The following SHKBP1 variants were observed in gnomAD, a reference collection of about 807,000 sequenced individuals.
The protein encoded by SHKBP1 is SH3KBP1-binding protein 1.
SHKBP1 carries 71 observed loss-of-function variants against 83.9 expected under a neutral mutation model. That is an observed-to-expected ratio of 0.85 (90% CI 0.70 to 1.03). The LOEUF is 1.03. Ranked by LOEUF, SHKBP1 falls within the 50% of genes least tolerant of loss-of-function variation. The pLI, the probability that SHKBP1 is intolerant of heterozygous loss-of-function variation, is 0.00. For synonymous variants in SHKBP1, 371 were observed against 398.0 expected (o/e 0.93, Z 0.81); for missense variants, 824 against 982.4 (o/e 0.84, Z 2.16).
rs368466118 is a variant in SHKBP1, at chr19:40,580,554, C to T, written c.563-12C>T. ...CTGTGACCCTCTTCTGATCCCTACT[C>T]TTCCCCTCAAGGACAACCTGAGGAG... On this transcript the variant is annotated splice_polypyrimidine_tract_variant and intron_variant, in intron 7 of 17. Coordinates refer to ENST00000291842, the MANE Select transcript of SHKBP1 (RefSeq NM_138392.4). The T allele has an allele frequency of 2.5e-6, 4 of 1,614,062 alleles. No homozygotes were observed. Among genetic ancestry groups the T allele is most frequent in the Non-Finnish European group, 2.5e-6 (3 of 1,180,028 alleles).
Position 40,590,704 on chromosome 19 carries a change from C to T in SHKBP1, c.1769-26C>T. On this transcript the variant is annotated intron_variant, in intron 16 of 17. Transcript: ENST00000291842. This position sits in a 1 kb window ranked among gnomAD's most constrained non-coding sequence, Gnocchi z 4.6. ...TTGCCCTATGACCCCTGTCTTGCCC[C>T]CTGACCCTGCTTCCGTGCCCCCCAG... The T allele has an allele frequency of 6.4e-7, 1 of 1,560,060 alleles. No homozygotes were observed. Among genetic ancestry groups the T allele is most frequent in the East Asian group, 2.3e-5 (1 of 44,012 alleles).
chr19:40,580,316 C>T lies in SHKBP1; in HGVS notation c.401-8C>T, dbSNP rs1481444744. 10 of 1,611,870 alleles carry T rather than the reference C, an allele frequency of 6.2e-6. No individual in the cohort carries two copies. The highest frequency in any genetic ancestry group is 8.5e-6 in the Non-Finnish European group (10 of 1,178,482). On this transcript the variant is annotated splice_region_variant and splice_polypyrimidine_tract_variant and intron_variant, in intron 6 of 17. Coordinates refer to ENST00000291842, the MANE Select transcript of SHKBP1 (RefSeq NM_138392.4). ...TGACTGTTACTCTACCTCTTATTCT[C>T]ACTGTAGTGTTCCCAGTGAAGCGGC...
At position 40,578,515 on chromosome 19, in the gene SHKBP1, C is replaced by T; in HGVS notation, c.373C>T (p.Leu125Phe). The T allele has an allele frequency of 6.2e-7, 1 of 1,614,156 alleles. No homozygotes were observed. Among genetic ancestry groups the T allele is most frequent in the Non-Finnish European group, 8.5e-7 (1 of 1,180,036 alleles). The change falls in exon 6 of 18, where the codon CTC becomes TTC. Residue 125 changes from leucine to phenylalanine, a missense_variant. Transcript: ENST00000291842. The part of the protein sequence containing the change: ...ELDRSSCGNV[L>F]FNGYLPPPVF... ...GGATCGATCTTCTTGTGGAAACGTCCTCTTCAATGGTTACCTGCCGCCACC... is the reference window on the plus strand; with the variant it reads ...GGATCGATCTTCTTGTGGAAACGTCTTCTTCAATGGTTACCTGCCGCCACC...
rs567993941 is a variant in SHKBP1, at chr19:40,583,321, A to G, written c.961-77A>G. The G allele has an allele frequency of 1.1e-4, 143 of 1,245,266 alleles. No individual in the cohort carries two copies. In the African/African-American group the frequency reaches 2.0e-3, roughly 18 times the overall value. 77.1% of individuals were successfully genotyped at this position (1,245,266 alleles called of 1,614,324 possible). A position where few individuals can be genotyped will look rare whatever the true frequency, so the allele number is the denominator to read the frequency against. On this transcript the variant is annotated intron_variant, in intron 10 of 17. Transcript: ENST00000291842. ...GTTCTGGAGGTGGAGGAGAGGGCCC[A>G]TCCTCTGTGAGGGGTCACCACGGAA...
chr19:40,589,684 A>C lies in SHKBP1; in HGVS notation c.1589+506A>C, dbSNP rs141339550. On this transcript the variant is annotated intron_variant, in intron 15 of 17. Coordinates refer to ENST00000291842, the MANE Select transcript of SHKBP1 (RefSeq NM_138392.4). The stretch of plus-strand genomic sequence containing the variant: ...GACTCTGAGCAGAGACCTAGAGGAC[A>C]AGTAGGAAGGAGCAGAAGAAAGAAG... Among the ~76,000 whole-genome samples, 1,203 of 151,892 alleles carry C rather than the reference A, an allele frequency of 7.9e-3. 11 individuals carry two copies. Among genetic ancestry groups the C allele is most frequent in the Middle Eastern group, 0.021 (6 of 292 alleles).
intron 12 of SHKBP1, among the ~76,000 whole-genome samples, chr19:40,584,120 C>T (rs1021014345): frequency 6.6e-6 from 1 of 152,150 alleles, no homozygotes; most frequent in Non-Finnish European, 1.5e-5. Flanking sequence ...GGATTACAGA[C>T]GTGAGCCACC....
In SHKBP1 at chr19:40,590,094, C is replaced by T. The variant is rs1003929808; in HGVS notation, c.1590-150C>T. ...GCTGCGGTGTCCAAGAGCTGCTGGA[C>T]CCTTGGGACTGGAACTCAAAAGCAG... On this transcript the variant is annotated intron_variant, in intron 15 of 17. Transcript: ENST00000291842. The surrounding 1 kb of genome is among the most constrained non-coding windows in gnomAD (Gnocchi z 4.6). The T allele has an allele frequency of 3.5e-6, 3 of 851,274 alleles. No homozygotes were observed. Among genetic ancestry groups the T allele is most frequent in the Non-Finnish European group, 5.3e-6 (3 of 569,934 alleles). The allele number at this position is 851,274 out of a possible 1,614,324, so 52.7% of individuals were successfully genotyped here. A position where few individuals can be genotyped will look rare whatever the true frequency, so the allele number is the denominator to read the frequency against.
In SHKBP1 at chr19:40,589,111, G is replaced by A. The variant is rs746769548; in HGVS notation, c.1522G>A (p.Val508Met). ...CTACGGTGAGCGGGACGACCAGCAA[G>A]TGTTCATCCAGAAGGTGGTGCCCAG... The part of the protein sequence containing the change: ...GPYGERDDQQ[V>M]FIQKVVPSAS... The change falls in exon 15 of 18, where the codon GTG becomes ATG. Residue 508 changes from valine (V) to methionine (M), a missense_variant. By Grantham distance (21) the Val-to-Met change is conservative. Around this residue, in one of 3 missense-constraint regions of SHKBP1, gnomAD observed 287 missense variants for 322.9 expected, o/e 0.89. Coordinates refer to ENST00000291842, the MANE Select transcript of SHKBP1 (RefSeq NM_138392.4). The A allele has an allele frequency of 2.0e-5, 32 of 1,613,366 alleles. No individual in the cohort carries two copies. The highest frequency in any genetic ancestry group is 8.5e-6 in the Non-Finnish European group (10 of 1,180,024).
At position 40,580,618 on chromosome 19, in the gene SHKBP1, G is replaced by T; in HGVS notation, c.615G>T (p.Trp205Cys). 6.2e-7 allele frequency: 1 copy of T among 1,614,200 alleles called. No individual in the cohort carries two copies. Among genetic ancestry groups the T allele is most frequent in the African/African-American group, 1.3e-5 (1 of 75,054 alleles). ...MVRLVCGHHN[W>C]IAVAYTQFLV... Reference sequence around the variant, plus strand: ...GCCTGGTGTGTGGACACCATAATTGGATCGCTGTGGCCTATACCCAGTTTC... The same window carrying T: ...GCCTGGTGTGTGGACACCATAATTGTATCGCTGTGGCCTATACCCAGTTTC... Residue 205 changes from tryptophan to cysteine, a missense_variant, in exon 8 of 18, where the codon TGG becomes TGT. By Grantham distance (215) the Trp-to-Cys change is radical. Coordinates refer to ENST00000291842, the MANE Select transcript of SHKBP1 (RefSeq NM_138392.4).
chr19:40,587,124 C>A (rs1463733463), intron 13 of SHKBP1, among the ~76,000 whole-genome samples, 180 bp downstream of exon 13: 1 of 152,132 alleles, frequency 6.6e-6, no homozygotes, highest in Non-Finnish European at 1.5e-5. Context: ...GGGGATCAGT[C>A]TGGGGAAGAG....
chr19:40,577,158 A>G, intron 1 of SHKBP1, 73 bp from the exon 2 acceptor site: 1 of 1,575,598 alleles, frequency 6.3e-7, no homozygotes, highest in Non-Finnish European at 8.7e-7. Flanking sequence ...GGAACCCTGG[A>G]TCCTGCGGGA....
chr19:40,577,506 C>T, intron 3 of SHKBP1, 51 bp from the exon 4 acceptor site: 2 of 1,612,384 alleles, frequency 1.2e-6, no homozygotes, highest in Non-Finnish European at 1.7e-6. Context: ...GGCAGGACCC[C>T]ACTCAGTCCT....
chr19:40,590,376 C>T lies in SHKBP1; in HGVS notation c.1722C>T (p.Ala574=). The change falls in exon 16 of 18, where the codon GCC becomes GCT. Residue 574 remains alanine (A), a synonymous_variant. Transcript: ENST00000291842. This position sits in a 1 kb window ranked among gnomAD's most constrained non-coding sequence, Gnocchi z 4.6. ...CTGGCCAGGCCAACGGCAGCTTGGC[C>T]ATGTGGGACCTAACCACCGCCATGG... is the stretch of plus-strand genomic sequence containing the variant. ...LLTGQANGSL[A]MWDLTTAMDG... 1 of 1,611,990 alleles carries T rather than the reference C, an allele frequency of 6.2e-7. No individual in the cohort carries two copies. The highest frequency in any genetic ancestry group is 8.5e-7 in the Non-Finnish European group (1 of 1,179,448).
At chr19:40,583,152 T>A (rs2081283573) in intron 10 of SHKBP1, among the ~76,000 whole-genome samples, 1 of 151,632 alleles carries the variant, frequency 6.6e-6, no homozygotes, top group South Asian at 2.1e-4. Flanking sequence ...CTACAAAAAA[T>A]TTAAAAAATT....
chr19:40,586,859 C>T lies in SHKBP1; in HGVS notation c.1251C>T (p.Gly417=), dbSNP rs1043073110. Residue 417 remains glycine, a synonymous_variant, in exon 13 of 18, where the codon GGC becomes GGT. Coordinates refer to ENST00000291842, the MANE Select transcript of SHKBP1 (RefSeq NM_138392.4). ...TCGTGCAGCACCCGGAGACTGTGGGCTCGGGGCCTCAGCTCTTCCAGACCT... is the reference window on the plus strand; with the variant it reads ...TCGTGCAGCACCCGGAGACTGTGGGTTCGGGGCCTCAGCTCTTCCAGACCT... ...RVIVQHPETV[G]SGPQLFQTFT... 6.2e-6 allele frequency: 10 copies of T among 1,612,940 alleles called. No individual in the cohort carries two copies. In the Admixed American group the frequency reaches 1.2e-4, roughly 19 times the overall value.
At chr19:40,577,736 A>C in intron 4 of SHKBP1, 106 bp downstream of exon 4, 51 of 1,385,540 alleles carry the variant, frequency 3.7e-5, no homozygotes, top group Non-Finnish European at 4.3e-5. Context: ...TAGAATTCTC[A>C]TTCAGAACCT....
Position 40,580,457 on chromosome 19 carries a change from G to T in SHKBP1, c.534G>T (p.Leu178=). 1 of 1,612,632 alleles carries T rather than the reference G, an allele frequency of 6.2e-7. No individual in the cohort carries two copies. The change falls in exon 7 of 18, where the codon CTG becomes CTT. Residue 178 remains leucine, a synonymous_variant. Coordinates refer to ENST00000291842, the MANE Select transcript of SHKBP1 (RefSeq NM_138392.4). ...ATGCAGGGCTGCTGGGCCGAATGCT[G>T]GATGAGAAAACCCCTCCCTCACCCT... The part of the protein sequence containing the change: ...LGNAGLLGRM[L]DEKTPPSPSG...
Position 40,580,763 on chromosome 19 carries a change from G to A in SHKBP1, c.671G>A (p.Gly224Asp). 3 of 1,610,820 alleles carry A rather than the reference G, an allele frequency of 1.9e-6. No individual in the cohort carries two copies. The highest frequency in any genetic ancestry group is 2.5e-6 in the Non-Finnish European group (3 of 1,177,892). ...TCCTACAGGTTGAAGGAAGCCTCTG[G>A]CTGGCAGCTGGTGTTTTCCAGCCCC... is the stretch of plus-strand genomic sequence containing the variant. ...LVCYRLKEAS[G>D]WQLVFSSPRL... is the part of the protein sequence containing the mutation. Residue 224 changes from glycine to aspartate, a missense_variant, in exon 9 of 18, where the codon GGC becomes GAC. Coordinates refer to ENST00000291842, the MANE Select transcript of SHKBP1 (RefSeq NM_138392.4).
chr19:40,576,990 G>C lies in SHKBP1; in HGVS notation c.86+5G>C, dbSNP rs762836777. 3 of 1,520,440 alleles carry C rather than the reference G, an allele frequency of 2.0e-6. No homozygotes were observed. The highest frequency in any genetic ancestry group is 2.3e-5 in the East Asian group (1 of 42,818). The allele number at this position is 1,520,440 out of a possible 1,614,324, so 94.2% of individuals were successfully genotyped here. A position where few individuals can be genotyped will look rare whatever the true frequency, so the allele number is the denominator to read the frequency against. ...TCTGAATGTGGGAGGCAAGAGGTGA[G>C]TGTGGGAGACTCCTGAGGTCCCATC... On this transcript the variant is annotated splice_donor_5th_base_variant and intron_variant, in intron 1 of 17. Transcript: ENST00000291842.
Sources: allele counts gnomAD v4.1 joint callset (sites outside exome capture counted in the v4.1 genomes callset), GRCh38; gene constraint gnomAD v4.1.1; regional missense constraint gnomAD v4.1.1; non-coding constraint Gnocchi (gnomAD v3.1); transcripts MANE v1.5; gene names NCBI Gene and HGNC (gene_info 2026-07-23, HGNC 2026-07-21).